The following RABGGTB variants were observed in gnomAD, a reference collection of about 807,000 sequenced individuals.
RABGGTB encodes geranylgeranyl transferase type-2 subunit beta.
Under a neutral mutation model 44.5 loss-of-function variants are expected in RABGGTB, and 20 were observed. The ratio of observed to expected loss-of-function variants is 0.45; its 90% confidence interval spans 0.32 to 0.65. The LOEUF is 0.65. Ranked by LOEUF, RABGGTB falls within the 30% of genes least tolerant of loss-of-function variation. The pLI, the probability that RABGGTB is intolerant of heterozygous loss-of-function variation, is 0.05. For synonymous variants in RABGGTB, 128 were observed against 136.7 expected (o/e 0.94, Z 0.44); for missense variants, 302 against 398.7 (o/e 0.76, Z 2.06).
chr1:75,792,057 A>G, intron 6 of RABGGTB, 124 bp from the exon 7 acceptor site: 1 of 833,528 alleles, frequency 1.2e-6, no homozygotes, highest in African/African-American at 1.7e-5. Context: ...ACATGTTTGG[A>G]ATTTTAAGTG....
intron 6 of RABGGTB, 42 bp downstream of exon 6, chr1:75,791,613 A>T (rs1163253363): frequency 4.7e-6 from 7 of 1,498,900 alleles, no homozygotes; most frequent in Non-Finnish European, 6.4e-6. Context: ...TCATTTTGGA[A>T]GCCAGTGTAG....
At chr1:75,787,671 C>A in intron 2 of RABGGTB, 67 bp downstream of exon 2, 1 of 1,296,216 alleles carries the variant, frequency 7.7e-7, no homozygotes, top group Non-Finnish European at 1.1e-6. Context: ...AGCAGTGAGA[C>A]AGTATTTATG....
At chr1:75,788,202 T>A in intron 2 of RABGGTB, 1 of 240,174 alleles carries the variant, frequency 4.2e-6, no homozygotes, top group Non-Finnish European at 8.5e-6. Flanking sequence ...GTTAAGGCCA[T>A]ATGGATGGGG....
intron 8 of RABGGTB, 113 bp downstream of exon 8, chr1:75,794,346 T>A (rs1557482963): frequency 2.2e-6 from 3 of 1,373,046 alleles, no homozygotes; most frequent in Non-Finnish European, 3.0e-6. Context: ...GCAGTTTTTT[T>A]TTCTATTTAT....
intron 2 of RABGGTB, chr1:75,787,875 G>T: frequency 1.5e-6 from 1 of 657,020 alleles, no homozygotes; most frequent in Non-Finnish European, 2.8e-6. Context: ...TGTAGTTAGG[G>T]GTAATACTTT....
chr1:75,794,409 G>C, intron 8 of RABGGTB, 101 bp from the exon 9 acceptor site: 1 of 1,353,142 alleles, frequency 7.4e-7, no homozygotes, highest in East Asian at 2.3e-5. Flanking sequence ...CTTGTCGCTT[G>C]TTGCTAACAA....
rs756810212 is a variant in RABGGTB, at chr1:75,787,076, A to G, written c.4-421A>G. 5.7e-6 allele frequency: 3 copies of G among 522,088 alleles called. No individual in the cohort carries two copies. In the Admixed American group the frequency reaches 5.8e-5, roughly 10 times the overall value. 32.3% of individuals were successfully genotyped at this position (522,088 alleles called of 1,614,324 possible). A position where few individuals can be genotyped will look rare whatever the true frequency, so the allele number is the denominator to read the frequency against. Reference sequence around the variant, plus strand: ...AATGCTGGTGGTAATTTTTTGGGTCAATGATGAGTTGGCATGTATTCTGAA... The same window carrying G: ...AATGCTGGTGGTAATTTTTTGGGTCGATGATGAGTTGGCATGTATTCTGAA... On this transcript the variant is annotated intron_variant, in intron 1 of 8. Transcript: ENST00000319942.
intron 3 of RABGGTB, 31 bp downstream of exon 3, chr1:75,789,387 G>GAT (rs750449395): frequency 1.2e-5 from 19 of 1,587,418 alleles, no homozygotes; most frequent in Non-Finnish European, 1.6e-5. Flanking sequence ...CAACGATCTT[G>GAT]ATAGTATGTT....
upstream of RABGGTB, chr1:75,786,245 C>T (rs765581450): frequency 6.2e-7 from 1 of 1,614,086 alleles, no homozygotes; most frequent in East Asian, 2.2e-5. Context: ...CAGGAACTGA[C>T]CCTGCTCTCT....
At chr1:75,789,795 T>C in intron 3 of RABGGTB, 157 bp from the exon 4 acceptor site, 2 of 612,882 alleles carry the variant, frequency 3.3e-6, no homozygotes, top group Non-Finnish European at 5.7e-6. Context: ...CTTGATACTA[T>C]CTAATTTTAT....
chr1:75,787,876 G>T lies in RABGGTB; in HGVS notation c.111+272G>T, dbSNP rs754907536. 13 of 653,766 alleles carry T rather than the reference G, an allele frequency of 2.0e-5. No homozygotes were observed. In the Admixed American group the frequency reaches 2.2e-4, roughly 11 times the overall value. The allele number at this position is 653,766 out of a possible 1,614,324, so 40.5% of individuals were successfully genotyped here. A position where few individuals can be genotyped will look rare whatever the true frequency, so the allele number is the denominator to read the frequency against. ...CGGGTTTCTCTTTTTGTAGTTAGGG[G>T]TAATACTTTCAAGGTCAATGATGTG... On this transcript the variant is annotated intron_variant, in intron 2 of 8. Transcript: ENST00000319942.
At position 75,792,185 on chromosome 1, in the gene RABGGTB, A is replaced by AT. The variant is rs753034335; in HGVS notation, c.586dup (p.Cys196LeufsTer18). ...ACTTTATGTCTGTAATTTTAGATCT[A>AT]TTGTTGCACAGGATTTCTGGCAATT... On this transcript the variant is annotated frameshift_variant, in exon 7 of 9. Coordinates refer to ENST00000319942, the MANE Select transcript of RABGGTB (RefSeq NM_004582.4). LOFTEE classifies it high-confidence loss of function. 4 of 1,604,338 alleles carry AT rather than the reference A, an allele frequency of 2.5e-6. No homozygotes were observed. Among genetic ancestry groups the AT allele is most frequent in the Non-Finnish European group, 3.4e-6 (4 of 1,171,262 alleles).
At chr1:75,789,799 A>G (rs1649601329) in intron 3 of RABGGTB, 153 bp from the exon 4 acceptor site, 1 of 616,998 alleles carries the variant, frequency 1.6e-6, no homozygotes, top group Non-Finnish European at 2.8e-6. Context: ...ATACTATCTA[A>G]TTTTATTCAA....
chr1:75,792,242 T>A lies in RABGGTB; in HGVS notation c.641T>A (p.Leu214Ter). 6.2e-7 allele frequency: 1 copy of A among 1,614,140 alleles called. No homozygotes were observed. The highest frequency in any genetic ancestry group is 1.1e-5 in the South Asian group (1 of 91,072). Reference sequence around the variant, plus strand: ...CAGTTGCATCAAGTAAATTCTGATTTACTTGGCTGGTGGCTTTGTGAACGA... The same window carrying A: ...CAGTTGCATCAAGTAAATTCTGATTAACTTGGCTGGTGGCTTTGTGAACGA... The part of the protein sequence containing the change: ...TSQLHQVNSD[L>*]LGWWLCERQL... Residue 214 changes from leucine (L) to a stop codon, truncating the protein, a stop_gained, in exon 7 of 9, where the codon TTA becomes TAA. Transcript: ENST00000319942. LOFTEE classifies it high-confidence loss of function.
At chr1:75,792,331 G>T (rs773776649) in intron 7 of RABGGTB, 25 bp downstream of exon 7, 19 of 1,607,316 alleles carry the variant, frequency 1.2e-5, no homozygotes, top group Non-Finnish European at 1.5e-5. Context: ...GCCATATTCT[G>T]CTAGCTTTAG....
At chr1:75,788,233 A>C in intron 2 of RABGGTB, 1 of 189,142 alleles carries the variant, frequency 5.3e-6, no homozygotes, top group Admixed American at 5.4e-5. Flanking sequence ...TTCTGCCTTT[A>C]TCTGCTATCT....
chr1:75,789,188 G>A lies in RABGGTB; in HGVS notation c.141G>A (p.Met47Ile). 1 of 1,613,978 alleles carries A rather than the reference G, an allele frequency of 6.2e-7. No homozygotes were observed. The highest frequency in any genetic ancestry group is 1.1e-5 in the South Asian group (1 of 91,082). Residue 47 changes from methionine (M) to isoleucine (I), a missense_variant, in exon 3 of 9, where the codon ATG becomes ATA. Met to Ile is a conservative substitution (Grantham distance 10). This residue lies in a region of RABGGTB where 89 missense variants were observed against 75.0 expected (regional missense o/e 1.19). Coordinates refer to ENST00000319942, the MANE Select transcript of RABGGTB (RefSeq NM_004582.4). The stretch of plus-strand genomic sequence containing the variant: ...ACTGTATGTCTGAGTATTTGAGAAT[G>A]AGTGGCATCTATTGGGGTCTGACAG... Reference protein sequence around the residue: ...YEYCMSEYLRMSGIYWGLTVM... With the variant: ...YEYCMSEYLRISGIYWGLTVM...
At chr1:75,786,214 C>A (rs911970353), upstream of RABGGTB, 2 of 1,610,264 alleles carry the variant, frequency 1.2e-6, no homozygotes, top group East Asian at 2.2e-5. Flanking sequence ...TCTGCGCAGG[C>A]GCCCGGCTCC....
chr1:75,786,274 GGTAA>G lies in RABGGTB; in HGVS notation c.3+3_3+6del. 1 of 1,614,224 alleles carries G rather than the reference GGTAA, an allele frequency of 6.2e-7. No homozygotes were observed. The highest frequency in any genetic ancestry group is 2.2e-5 in the East Asian group (1 of 44,878). ...GCTCTCTCCTTTCCCTGTTAGACAT[GGTAA>G]GTGTGAGTTTAGCGCTGCTGTCCGG... On this transcript the variant is annotated splice_donor_variant and splice_donor_region_variant and intron_variant, in intron 1 of 8. Coordinates refer to ENST00000319942, the MANE Select transcript of RABGGTB (RefSeq NM_004582.4). LOFTEE classifies it high-confidence loss of function.
Sources: gnomAD v4.1 joint callset for allele counts on GRCh38, gnomAD v4.1.1 for gene constraint, gnomAD v4.1.1 regional missense constraint, MANE v1.5 for transcripts, NCBI Gene and HGNC (gene_info 2026-07-23, HGNC 2026-07-21) for gene names.